Variants in SMURF1 observed in about 807,000 individuals in gnomAD.
The protein encoded by SMURF1 is E3 ubiquitin-protein ligase SMURF1.
Under a neutral mutation model 98.0 loss-of-function variants are expected in SMURF1, and 44 were observed. The observed-to-expected ratio is 0.45, with a 90% CI of 0.35 to 0.58. SMURF1 has a LOEUF of 0.58. Ranked by LOEUF, SMURF1 falls within the 20% of genes least tolerant of loss-of-function variation. The pLI, the probability that SMURF1 is intolerant of heterozygous loss-of-function variation, is 0.00. For synonymous variants in SMURF1, 396 were observed against 374.9 expected (o/e 1.06, Z -0.65); for missense variants, 687 against 938.4 (o/e 0.73, Z 3.50).
At chr7:99,103,647 C>G (rs1797136643) in intron 1 of SMURF1, among the ~76,000 whole-genome samples, 1 of 152,126 alleles carries the variant, frequency 6.6e-6, no homozygotes, top group Non-Finnish European at 1.5e-5. Flanking sequence ...TTAAATCTTC[C>G]ATTTAAAGCA....
chr7:99,047,741 A>C lies in SMURF1; in HGVS notation c.1095T>G (p.Leu365=). ...GGCAATGACCAGCTTGGGGCTGCTG[A>C]AGCGACAGTTCGTGTCTGAGGACTT... is the stretch of plus-strand genomic sequence containing the variant. The part of the protein sequence containing the change: ...KLKVLRHELS[L]QQPQAGHCRI... The change falls in exon 10 of 18, where the codon CTT becomes CTG. Residue 365 remains leucine, a synonymous_variant. Transcript: ENST00000361368. The C allele has an allele frequency of 1.9e-6, 3 of 1,614,240 alleles. No individual in the cohort carries two copies. The highest frequency in any genetic ancestry group is 2.5e-6 in the Non-Finnish European group (3 of 1,180,044).
At position 99,037,537 on chromosome 7, in the gene SMURF1, C is replaced by T. The variant is rs1795192960; in HGVS notation, c.1689-350G>A. On this transcript the variant is annotated intron_variant, in intron 14 of 17. Transcript: ENST00000361368. ...TACAGGCATGAGCCACTGCGCCCGA[C>T]CTGTGAGCAGGTTCTGATATCACAG... Among the ~76,000 whole-genome samples, 3 of 152,200 alleles carry T rather than the reference C, an allele frequency of 2.0e-5. No individual in the cohort carries two copies. In the South Asian group the frequency reaches 6.2e-4, roughly 31 times the overall value.
At chr7:99,039,937 G>T (rs1440230050) in intron 13 of SMURF1, among the ~76,000 whole-genome samples, 1 of 152,146 alleles carries the variant, frequency 6.6e-6, no homozygotes, top group Admixed American at 6.6e-5. Flanking sequence ...CTTGGCCCCT[G>T]TGTAGGTTAA....
intron 1 of SMURF1, among the ~76,000 whole-genome samples, chr7:99,078,783 T>C (rs529910834): frequency 6.6e-6 from 1 of 152,368 alleles, no homozygotes; most frequent in African/African-American, 2.4e-5. Flanking sequence ...CACATGGGAC[T>C]GTCTAGTTGC....
At chr7:99,140,281 C>CA (rs34158150) in intron 1 of SMURF1, among the ~76,000 whole-genome samples, 3 of 85,796 alleles carry the variant, frequency 3.5e-5, no homozygotes, top group East Asian at 7.8e-4. Context: ...CTTCAGTATC[C>CA]TTTTTTTTTT....
chr7:99,053,040 G>C (rs1276295381), intron 6 of SMURF1, among the ~76,000 whole-genome samples: 3 of 152,182 alleles, frequency 2.0e-5, no homozygotes, highest in Admixed American at 1.3e-4. Context: ...CTGGGTGACA[G>C]AGCGAGACTC....
At chr7:99,039,312 C>T (rs1322045832) in intron 13 of SMURF1, among the ~76,000 whole-genome samples, 2 of 151,548 alleles carry the variant, frequency 1.3e-5, no homozygotes, top group African/African-American at 2.4e-5. Flanking sequence ...AATCTGCCAT[C>T]GTTCTTGAGC....
intron 1 of SMURF1, among the ~76,000 whole-genome samples, chr7:99,102,127 T>C (rs778635163): frequency 5.3e-5 from 8 of 152,178 alleles, no homozygotes; most frequent in Admixed American, 1.3e-4. Flanking sequence ...TTGATTCCAC[T>C]TAAATTTGTA....
At chr7:99,030,730 G>C in intron 17 of SMURF1, 47 bp from the exon 18 acceptor site, 1 of 1,510,872 alleles carries the variant, frequency 6.6e-7, no homozygotes. Context: ...TCCAGCCCTA[G>C]GACCAACCTC....
intron 1 of SMURF1, among the ~76,000 whole-genome samples, chr7:99,085,157 C>A (rs1796652344): frequency 6.6e-6 from 1 of 151,870 alleles, no homozygotes; most frequent in Non-Finnish European, 1.5e-5. Context: ...TCGAGACCAG[C>A]CTGGCCAACA....
intron 12 of SMURF1, among the ~76,000 whole-genome samples, chr7:99,041,712 G>A (rs770971657): frequency 5.3e-5 from 8 of 152,200 alleles, no homozygotes; most frequent in East Asian, 1.9e-4. Context: ...AAACCAGCAC[G>A]CTAAGGGTGG....
intron 5 of SMURF1, among the ~76,000 whole-genome samples, chr7:99,057,004 A>T (rs1449166299): frequency 6.6e-6 from 1 of 151,620 alleles, no homozygotes; most frequent in Non-Finnish European, 1.5e-5. Flanking sequence ...AAAAAAAAAA[A>T]AAGCCAGGAG....
chr7:99,090,501 G>A (rs905052641), intron 1 of SMURF1, among the ~76,000 whole-genome samples: 2 of 152,150 alleles, frequency 1.3e-5, no homozygotes, highest in African/African-American at 4.8e-5. Flanking sequence ...GGGACAGAGA[G>A]GAGGAGTGGG....
In SMURF1 at chr7:99,052,508, T is replaced by C. The variant is rs562435703; in HGVS notation, c.480-62A>G. The C allele has an allele frequency of 9.5e-5, 138 of 1,455,820 alleles. No homozygotes were observed. The African/African-American group carries it at 1.7e-3, about 18-fold the overall frequency. The allele number at this position is 1,455,820 out of a possible 1,614,324, so 90.2% of individuals were successfully genotyped here. On this transcript the variant is annotated intron_variant, in intron 6 of 17. Transcript: ENST00000361368. The stretch of plus-strand genomic sequence containing the variant: ...ATGGAGGAGTCACAAGACCAGCGCC[T>C]TAGGGCTAGTGTCCTAGGGGACACC...
At chr7:99,033,216 C>G in intron 16 of SMURF1, 95 bp from the exon 17 acceptor site, 1 of 1,210,836 alleles carries the variant, frequency 8.3e-7, no homozygotes, top group Non-Finnish European at 1.2e-6. Flanking sequence ...TGACCACATT[C>G]CCACCCCCAC....
At chr7:99,097,419 G>A (rs960783540) in intron 1 of SMURF1, among the ~76,000 whole-genome samples, 1 of 152,164 alleles carries the variant, frequency 6.6e-6, no homozygotes, top group Non-Finnish European at 1.5e-5. Context: ...CTGGGAGGTG[G>A]ACCTCATGGG....
intron 5 of SMURF1, among the ~76,000 whole-genome samples, chr7:99,057,003 A>G (rs1169453642): frequency 6.6e-6 from 1 of 151,604 alleles, no homozygotes; most frequent in East Asian, 1.9e-4. Flanking sequence ...AAAAAAAAAA[A>G]AAAGCCAGGA....
chr7:99,132,027 A>C (rs1797882046), intron 1 of SMURF1, among the ~76,000 whole-genome samples: 1 of 152,178 alleles, frequency 6.6e-6, no homozygotes. Context: ...TAAGGAAAAG[A>C]CCTGGAAACC....
At chr7:99,135,322 TCTC>T in intron 1 of SMURF1, among the ~76,000 whole-genome samples, 1 of 152,230 alleles carries the variant, frequency 6.6e-6, no homozygotes, top group Middle Eastern at 3.4e-3. Flanking sequence ...CACCCTCTCT[TCTC>T]TCTTTTCTCT....
Sources: gnomAD v4.1 joint callset for allele counts (sites outside exome capture counted in the v4.1 genomes callset) on GRCh38, gnomAD v4.1.1 for gene constraint, MANE v1.5 for transcripts, NCBI Gene and HGNC (gene_info 2026-07-23, HGNC 2026-07-21) for gene names.